The following NEDD9 variants were observed in gnomAD, a reference collection of about 807,000 sequenced individuals.
NEDD9 encodes enhancer of filamentation 1.
NEDD9 carries 26 observed loss-of-function variants against 76.6 expected under a neutral mutation model. The observed-to-expected ratio is 0.34, with a 90% CI of 0.25 to 0.47. The LOEUF (loss-of-function observed/expected upper bound fraction) is 0.47, where lower values mean the gene tolerates loss of function less well. NEDD9 is among the 20% of genes least tolerant of loss of function. The probability of loss-of-function intolerance (pLI) is 1.00; values close to 1 mark genes in which losing one functional copy is unlikely to be tolerated. For missense variants in NEDD9, 937 were observed against 1,058.5 expected, an observed-to-expected ratio of 0.89 and a Z score of 1.59; for synonymous variants, 392 against 414.2, an observed-to-expected ratio of 0.95 and a Z score of 0.65.
At chr6:11,289,773 T>C (rs1339704141) in intron 3 of NEDD9, among the ~76,000 whole-genome samples, 1 of 152,142 alleles carries the variant, frequency 6.6e-6, no homozygotes, top group Non-Finnish European at 1.5e-5. Context: ...TTGTATTTAT[T>C]TTCTCTCCCT....
At chr6:11,236,912 G>A (rs1244511998), upstream of NEDD9, among the ~76,000 whole-genome samples, 1 of 151,942 alleles carries the variant, frequency 6.6e-6, no homozygotes, top group Non-Finnish European at 1.5e-5. This position sits in a 1 kb window ranked among gnomAD's most constrained non-coding sequence, Gnocchi z 5.5. Flanking sequence ...TCCCTCTACC[G>A]CCGACCCCCA....
chr6:11,221,390 A>AAAAAAAG (rs1554126055), intron 1 of NEDD9, among the ~76,000 whole-genome samples: 9 of 151,704 alleles, frequency 5.9e-5, no homozygotes, highest in Admixed American at 5.3e-4. Flanking sequence ...CATAAAAAAA[A>AAAAAAAG]AAAAAGAAAA....
chr6:11,191,058 C>A lies in NEDD9; in HGVS notation c.811G>T (p.Ala271Ser), dbSNP rs149032299. ...YDIPPTCTKP[A>S]GKDLHVKYNC... is the part of the protein sequence containing the mutation. Reference sequence around the variant, plus strand: ...TATTTTACATGAAGGTCCTTCCCTGCTGGCTTGGTGCAGGTTGGAGGAATG... The same window carrying A: ...TATTTTACATGAAGGTCCTTCCCTGATGGCTTGGTGCAGGTTGGAGGAATG... The change falls in exon 5 of 7, where the codon GCA (alanine) becomes TCA (serine). Residue 271 changes from alanine (A) to serine (S), a missense_variant. Ala to Ser is a moderately conservative substitution (Grantham distance 99, BLOSUM62 1). Transcript: ENST00000379446. 523 of 1,614,006 alleles carry A rather than the reference C, an allele frequency of 3.2e-4. 1 individual carries two copies. The African/African-American group carries it at 6.4e-3, about 20-fold the overall frequency.
At chr6:11,311,016 C>A (rs1338114494) in intron 2 of NEDD9, among the ~76,000 whole-genome samples, 2 of 152,118 alleles carry the variant, frequency 1.3e-5, no homozygotes, top group Non-Finnish European at 2.9e-5. Context: ...CCTGTCTTGC[C>A]TTCTATGGGA....
At chr6:11,317,620 C>A (rs905091440) in intron 2 of NEDD9, among the ~76,000 whole-genome samples, 5 of 152,042 alleles carry the variant, frequency 3.3e-5, no homozygotes, top group African/African-American at 7.2e-5. Flanking sequence ...TGGGGACAGG[C>A]GCCAACTGCC....
In NEDD9 at chr6:11,193,710, C is replaced by T; in HGVS notation, c.460-18G>A. On this transcript the variant is annotated intron_variant, in intron 2 of 6. Transcript: ENST00000379446. ...GTTATCACCTGTGGGAGAGAAGGCA[C>T]AGAGGTGTAAATTTCCAAGCCTGAG... The T allele has an allele frequency of 4.4e-6, 7 of 1,591,844 alleles. No individual in the cohort carries two copies. Among genetic ancestry groups the T allele is most frequent in the Non-Finnish European group, 6.0e-6 (7 of 1,160,572 alleles).
At chr6:11,278,058 C>T (rs1191906784) in intron 3 of NEDD9, among the ~76,000 whole-genome samples, 3 of 152,172 alleles carry the variant, frequency 2.0e-5, no homozygotes, top group Non-Finnish European at 4.4e-5. Flanking sequence ...GAGTCGGGTG[C>T]TTCCTCTCTG....
chr6:11,369,858 T>G (rs1762831398), intron 1 of NEDD9, among the ~76,000 whole-genome samples: 2 of 152,222 alleles, frequency 1.3e-5, no homozygotes, highest in Non-Finnish European at 1.5e-5. Flanking sequence ...ATAAGGACCC[T>G]ACTGATGGAC....
intron 1 of NEDD9, among the ~76,000 whole-genome samples, chr6:11,362,355 G>A (rs1762693764): frequency 6.6e-6 from 1 of 152,170 alleles, no homozygotes; most frequent in Admixed American, 6.5e-5. Flanking sequence ...CCAAACTTAT[G>A]AGTACACTGA....
intron 3 of NEDD9, among the ~76,000 whole-genome samples, chr6:11,267,674 G>GA (rs920140145): frequency 6.6e-6 from 1 of 151,442 alleles, no homozygotes; most frequent in East Asian, 1.9e-4. Context: ...CAGCTAGTAA[G>GA]AAAAAAAAAT....
chr6:11,206,930 G>C (rs1450205253), intron 2 of NEDD9, among the ~76,000 whole-genome samples: 1 of 152,226 alleles, frequency 6.6e-6, no homozygotes, highest in Non-Finnish European at 1.5e-5. Context: ...TAGATGGCAA[G>C]TACAGTTCTC....
intron 3 of NEDD9, among the ~76,000 whole-genome samples, chr6:11,300,812 C>G (rs144911617): frequency 0.15 from 23,155 of 152,118 alleles, 2,250 homozygotes; most frequent in Non-Finnish European, 0.21. Context: ...CAAGCAAATG[C>G]TGAGAGATTT....
At position 11,306,121 on chromosome 6, in the gene NEDD9, G is replaced by C. The variant is rs1761178758; in HGVS notation, c.-118C>G. On this transcript the variant is annotated 5_prime_UTR_variant, in exon 3 of 4. Transcript: ENST00000397378. ...CTTGAAGAACATATGATGTTTGCCA[G>C]TGTCTGACATTACGGACCTCACAGC... 4.8e-6 allele frequency: 6 copies of C among 1,243,426 alleles called. No individual in the cohort carries two copies. The East Asian group carries it at 1.4e-4, about 29-fold the overall frequency. 77.0% of individuals were successfully genotyped at this position (1,243,426 alleles called of 1,614,324 possible).
intron 2 of NEDD9, among the ~76,000 whole-genome samples, chr6:11,314,563 A>G (rs1761488096): frequency 1.3e-5 from 2 of 152,208 alleles, no homozygotes; most frequent in Non-Finnish European, 2.9e-5. Flanking sequence ...AAAACAGCCT[A>G]GGTTCCTGAT....
chr6:11,291,460 G>A (rs939011265), intron 3 of NEDD9, among the ~76,000 whole-genome samples: 6 of 151,908 alleles, frequency 3.9e-5, no homozygotes, highest in African/African-American at 1.5e-4. Context: ...ATTTTTAGTA[G>A]AGACGGGGTT....
At chr6:11,238,311 G>T (rs1759648845) in intron 3 of NEDD9, among the ~76,000 whole-genome samples, 1 of 152,190 alleles carries the variant, frequency 6.6e-6, no homozygotes, top group African/African-American at 2.4e-5. Context: ...ATGAACCCAG[G>T]CTTTCTGGTT....
intron 3 of NEDD9, among the ~76,000 whole-genome samples, chr6:11,257,929 ACTGACT>A (rs1272765100): frequency 6.6e-6 from 1 of 152,070 alleles, no homozygotes; most frequent in Admixed American, 6.6e-5. Context: ...GTTTTTTGAA[ACTGACT>A]CTGAAGTTTT....
rs140966623 is a variant in NEDD9, at chr6:11,326,200, A to G, written c.-153+8301T>C. Among the ~76,000 whole-genome samples, 18 of 152,080 alleles carry G rather than the reference A, an allele frequency of 1.2e-4. 1 individual carries two copies. In the East Asian group the frequency reaches 3.5e-3, roughly 29 times the overall value. Reference sequence around the variant, plus strand: ...CAAAAAAAACCCCAAGTTTCTCCCAAGTCCGCTGGACTTTGTTATCAGAAG... The same window carrying G: ...CAAAAAAAACCCCAAGTTTCTCCCAGGTCCGCTGGACTTTGTTATCAGAAG... On this transcript the variant is annotated intron_variant, in intron 2 of 3. Coordinates refer to the NEDD9 transcript ENST00000397378.
rs2113718453 is a variant in NEDD9 at position 11,190,864 on chromosome 6, T to C, written c.1005A>G (p.Lys335=). Residue 335 remains lysine, a synonymous_variant, in exon 5 of 7, where the codon AAA becomes AAG. Coordinates refer to ENST00000379446, the MANE Select transcript of NEDD9 (RefSeq NM_006403.4). The surrounding 1 kb of genome is among the most constrained non-coding windows in gnomAD (Gnocchi z 5.8). The stretch of plus-strand genomic sequence containing the variant: ...CACCATCCCTTTCCTGGGGGTTTGC[T>C]TTCTCACTGGTTTCTGCTGGTGGCT... The part of the protein sequence containing the change: ...FLEPPAETSE[K]ANPQERDGVY... 6.2e-7 allele frequency: 1 copy of C among 1,614,120 alleles called. No homozygotes were observed. Among genetic ancestry groups the C allele is most frequent in the South Asian group, 1.1e-5 (1 of 91,068 alleles).
Sources: allele counts gnomAD v4.1 joint callset (sites outside exome capture counted in the v4.1 genomes callset), GRCh38; gene constraint gnomAD v4.1.1; non-coding constraint Gnocchi (gnomAD v3.1); transcripts MANE v1.5; gene names NCBI Gene and HGNC (gene_info 2026-07-23, HGNC 2026-07-21).